DENND2C: variants seen among roughly 807,000 people sequenced by gnomAD.
DENND2C encodes the protein DENN domain containing 2C, also known as DENN domain-containing protein 2C.
In DENND2C, 72 loss-of-function variants were observed where a neutral mutation model predicts 112.4. The observed-to-expected ratio is 0.64, with a 90% CI of 0.53 to 0.78. The LOEUF is 0.78. DENND2C is among the 30% of genes least tolerant of loss of function. The probability of loss-of-function intolerance (pLI) is 0.00; values close to 1 mark genes in which losing one functional copy is unlikely to be tolerated. For synonymous variants in DENND2C, 329 were observed against 381.6 expected (o/e 0.86, Z 1.61); for missense variants, 992 against 1,113.8 (o/e 0.89, Z 1.56).
In DENND2C at chr1:114,625,321, C is replaced by T. The variant is rs756849345; in HGVS notation, c.664G>A (p.Glu222Lys). ...TCTTTATACGGCGTAACACCAGATT[C>T]GGATAAATATCTGAATGTCCTACGA... ...KPRRTFRYLS[E>K]SGVTPYKERN... The change falls in exon 4 of 21, where the codon GAA (glutamate) becomes AAA (lysine). Residue 222 changes from glutamate (E) to lysine (K), a missense_variant. Glu to Lys is a moderately conservative substitution (Grantham distance 56). This residue lies in a region of DENND2C where 470 missense variants were observed against 472.7 expected (regional missense o/e 0.99). Transcript: ENST00000393274. 28 of 1,614,008 alleles carry T rather than the reference C, an allele frequency of 1.7e-5. No homozygotes were observed. The highest frequency in any genetic ancestry group is 2.7e-5 in the African/African-American group (2 of 74,922).
chr1:114,583,493 A>AAAACACAC lies in DENND2C; in HGVS notation c.*2106_*2107insGTGTGTTT, dbSNP rs1553231827. 3.6e-4 allele frequency: 52 copies of AAAACACAC among 146,006 alleles called. No individual in the cohort carries two copies. The highest frequency in any genetic ancestry group is 1.3e-3 in the African/African-American group (51 of 39,348). 9.0% of individuals were successfully genotyped at this position (146,006 alleles called of 1,614,324 possible). A position where few individuals can be genotyped will look rare whatever the true frequency, so the allele number is the denominator to read the frequency against. ...ACTTGAATTTGCCCATGAGTTTGAA[A>AAAACACAC]ACACACACACACACACACACACACA... On this transcript the variant is annotated 3_prime_UTR_variant, in exon 21 of 21. Coordinates refer to ENST00000393274, the MANE Select transcript of DENND2C (RefSeq NM_001256404.2).
intron 3 of DENND2C, among the ~76,000 whole-genome samples, chr1:114,634,474 T>C (rs1427141747): frequency 1.3e-5 from 2 of 151,992 alleles, no homozygotes; most frequent in African/African-American, 2.4e-5. Flanking sequence ...GCTGGGACTA[T>C]AGACGCGTGC....
At chr1:114,621,447 T>A (rs1205676565) in intron 7 of DENND2C, among the ~76,000 whole-genome samples, 1 of 152,250 alleles carries the variant, frequency 6.6e-6, no homozygotes, top group African/African-American at 2.4e-5. Context: ...AGATTTGTTT[T>A]TTTCTTTGGA....
intron 11 of DENND2C, among the ~76,000 whole-genome samples, chr1:114,603,986 TTTCCCAAATA>T (rs1655589623): frequency 6.6e-6 from 1 of 152,230 alleles, no homozygotes; most frequent in Non-Finnish European, 1.5e-5. Context: ...CTCTTCTGTG[TTTCCCAAATA>T]GTCTAGAATA....
intron 8 of DENND2C, among the ~76,000 whole-genome samples, chr1:114,615,801 C>T (rs1047337359): frequency 7.2e-5 from 11 of 152,142 alleles, no homozygotes; most frequent in African/African-American, 2.2e-4. Flanking sequence ...GGGGGCCGGG[C>T]GCAGTGGCTC....
chr1:114,624,624 CT>C (rs67241623), intron 4 of DENND2C, among the ~76,000 whole-genome samples: 101,616 of 126,946 alleles, frequency 0.8, 41,135 homozygotes, highest in African/African-American at 0.92. Context: ...TTCTTTTTTT[CT>C]TTTTTTTTTT....
At position 114,584,438 on chromosome 1, in the gene DENND2C, A is replaced by AT. The variant is rs1654986947; in HGVS notation, c.*1161dup. The AT allele has an allele frequency of 6.6e-6, 1 of 151,874 alleles. No homozygotes were observed. The allele number at this position is 151,874 out of a possible 1,614,324, so 9.4% of individuals were successfully genotyped here. On this transcript the variant is annotated 3_prime_UTR_variant, in exon 21 of 21. Transcript: ENST00000393274. ...AGGCACCTGCCACCACACCCAGCTA[A>AT]TTTTTTGTGTGTATTTTTAGTAGAG...
At position 114,639,773 on chromosome 1, in the gene DENND2C, G is replaced by T. The variant is rs1570798644; in HGVS notation, c.-205+5675C>A. Among the ~76,000 whole-genome samples the T allele has an allele frequency of 2.7e-5, 4 of 148,512 alleles. No individual in the cohort carries two copies. In the South Asian group the frequency reaches 8.6e-4, roughly 32 times the overall value. ...TGCCCAGGCTGGAGTGCAATGGCTT[G>T]ATCTCGGCTCACTGCAACTTCGGCC... On this transcript the variant is annotated intron_variant, in intron 3 of 20. Transcript: ENST00000393274.
chr1:114,661,733 TCCAGTCATTGCA>T (rs1303354195), intron 1 of DENND2C, among the ~76,000 whole-genome samples: 6 of 152,238 alleles, frequency 3.9e-5, no homozygotes, highest in Non-Finnish European at 7.3e-5. Flanking sequence ...TTCTTCCAGA[TCCAGTCATTGCA>T]CATACCTCTG....
chr1:114,643,858 T>C (rs1255008525), intron 3 of DENND2C, among the ~76,000 whole-genome samples: 1 of 152,056 alleles, frequency 6.6e-6, no homozygotes, highest in East Asian at 1.9e-4. Context: ...CATATGCAGA[T>C]TATATTCAGA....
chr1:114,633,438 T>TAAAAA (rs1259615015), intron 3 of DENND2C, among the ~76,000 whole-genome samples: 1 of 36,756 alleles, frequency 2.7e-5, no homozygotes, highest in Non-Finnish European at 4.5e-5. Flanking sequence ...AGACCCTATC[T>TAAAAA]CAAAAAAAAA....
intron 2 of DENND2C, among the ~76,000 whole-genome samples, chr1:114,649,113 C>A (rs1657082915): frequency 6.6e-6 from 1 of 151,870 alleles, no homozygotes. Flanking sequence ...TGCCACCATG[C>A]CTGACTAATT....
intron 1 of DENND2C, 93 bp from the exon 2 acceptor site, chr1:114,654,854 T>C (rs761408352): frequency 3.3e-5 from 5 of 151,752 alleles, no homozygotes; most frequent in African/African-American, 4.8e-5. Flanking sequence ...CCTCAACATA[T>C]GGATTCTGTC....
Position 114,605,026 on chromosome 1 carries a change from A to C in DENND2C, c.1563T>G (p.Asp521Glu), listed in dbSNP as rs763659925. ...TGTCTTTGGACTGCTTATAGCCATGATCATCCTGAAAAAGATAACACCATA... is the reference window on the plus strand; with the variant it reads ...TGTCTTTGGACTGCTTATAGCCATGCTCATCCTGAAAAAGATAACACCATA... ...QVIQQFPGKD[D>E]HGYKQSKDME... The change falls in exon 11 of 21, where the codon GAT becomes GAG. Residue 521 changes from aspartate (D) to glutamate (E), a missense_variant. This residue lies in a region of DENND2C where 516 missense variants were observed against 623.6 expected (regional missense o/e 0.83). Coordinates refer to ENST00000393274, the MANE Select transcript of DENND2C (RefSeq NM_001256404.2). 1.2e-6 allele frequency: 2 copies of C among 1,610,322 alleles called. No homozygotes were observed. The highest frequency in any genetic ancestry group is 1.7e-6 in the Non-Finnish European group (2 of 1,177,980).
chr1:114,607,987 A>G (rs1174945985), intron 10 of DENND2C, among the ~76,000 whole-genome samples: 1 of 152,184 alleles, frequency 6.6e-6, no homozygotes, highest in Non-Finnish European at 1.5e-5. Flanking sequence ...TACAAATTAA[A>G]CAACTAAGAC....
chr1:114,664,051 A>T (rs1657579240), intron 1 of DENND2C, among the ~76,000 whole-genome samples: 1 of 142,180 alleles, frequency 7.0e-6, no homozygotes, highest in Non-Finnish European at 1.5e-5. Context: ...CAATTCTCCC[A>T]CCTCAGCCTC....
At chr1:114,622,185 C>T (rs111446768) in intron 6 of DENND2C, 120 bp from the exon 7 acceptor site, 1 of 1,030,770 alleles carries the variant, frequency 9.7e-7, no homozygotes, top group Non-Finnish European at 1.4e-6. Flanking sequence ...ACGATCATGG[C>T]TCATTGCAGC....
chr1:114,638,199 G>A (rs1656709160), intron 3 of DENND2C, among the ~76,000 whole-genome samples: 2 of 151,688 alleles, frequency 1.3e-5, no homozygotes, highest in African/African-American at 4.8e-5. Context: ...TCAATAAATG[G>A]CATCAGAACA....
intron 20 of DENND2C, 75 bp from the exon 21 acceptor site, chr1:114,585,706 A>G: frequency 6.8e-7 from 1 of 1,471,608 alleles, no homozygotes; most frequent in South Asian, 1.1e-5. Flanking sequence ...TAAGGGATTA[A>G]CAGGTCAGTC....
Sources: gnomAD v4.1 joint callset for allele counts (sites outside exome capture counted in the v4.1 genomes callset) on GRCh38, gnomAD v4.1.1 for gene constraint, gnomAD v4.1.1 regional missense constraint, MANE v1.5 for transcripts, NCBI Gene and HGNC (gene_info 2026-07-23, HGNC 2026-07-21) for gene names.